The following MED13L variants were observed in gnomAD, a reference collection of about 807,000 sequenced individuals.
MED13L encodes the protein mediator complex subunit 13L, also known as mediator of RNA polymerase II transcription subunit 13-like.
A neutral mutation model predicts 220.9 loss-of-function variants in MED13L; 7 were observed. The ratio of observed to expected loss-of-function variants is 0.03; its 90% confidence interval spans 0.02 to 0.06. MED13L has a LOEUF of 0.06. Ranked by LOEUF, MED13L falls within the 10% of genes least tolerant of loss-of-function variation. MED13L has a pLI of 1.00. For synonymous variants in MED13L, 1,011 were observed against 1,015.2 expected (o/e 1.00, Z 0.08); for missense variants, 1,965 against 2,760.5 (o/e 0.71, Z 6.46).
chr12:116,261,172 C>T (rs1872485802), intron 1 of MED13L, among the ~76,000 whole-genome samples: 1 of 152,116 alleles, frequency 6.6e-6, no homozygotes, highest in Non-Finnish European at 1.5e-5. Context: ...CCCCTCCCTT[C>T]CCTTATAAAA....
chr12:116,019,926 T>A lies in MED13L; in HGVS notation c.672A>T (p.Ala224=), dbSNP rs756122556. Residue 224 remains alanine, a synonymous_variant, in exon 6 of 31, where the codon GCA becomes GCT. Coordinates refer to ENST00000281928, the MANE Select transcript of MED13L (RefSeq NM_015335.5). ...YGLNGTLTGQ[A]YKMSDPATRK... is the part of the protein sequence containing the mutation. Reference sequence around the variant, plus strand: ...GAGTGGCTGGGTCTGACATCTTGTATGCTTGGCCTGTTAGCGTCCCATTTA... The same window carrying A: ...GAGTGGCTGGGTCTGACATCTTGTAAGCTTGGCCTGTTAGCGTCCCATTTA... 9 of 1,613,736 alleles carry A rather than the reference T, an allele frequency of 5.6e-6. No individual in the cohort carries two copies. In the African/African-American group the frequency reaches 9.3e-5, roughly 17 times the overall value.
chr12:116,187,411 A>G (rs1166546613), intron 2 of MED13L, among the ~76,000 whole-genome samples: 1 of 152,118 alleles, frequency 6.6e-6, no homozygotes, highest in African/African-American at 2.4e-5. Context: ...CACACAAATA[A>G]TGCTCCTATG....
intron 1 of MED13L, among the ~76,000 whole-genome samples, chr12:116,270,779 G>C (rs1010349785): frequency 6.6e-6 from 1 of 151,562 alleles, no homozygotes; most frequent in East Asian, 1.9e-4. Context: ...GCGGTGGCTC[G>C]AGCCTGTAAT....
intron 1 of MED13L, chr12:116,276,744 G>A (rs1873882315): frequency 2.3e-6 from 3 of 1,283,124 alleles, no homozygotes; most frequent in Non-Finnish European, 3.0e-6. Context: ...GGGAGGAGAA[G>A]GGGAGTGCGA....
At chr12:116,000,352 G>A (rs1023173724) in intron 14 of MED13L, among the ~76,000 whole-genome samples, 15 of 152,336 alleles carry the variant, frequency 9.8e-5, no homozygotes, top group Admixed American at 9.1e-4. Flanking sequence ...CACCAGGACG[G>A]ACTGGAGGTG....
intron 2 of MED13L, among the ~76,000 whole-genome samples, chr12:116,135,903 C>CTTTTTTTTT (rs772070607): frequency 7.1e-6 from 1 of 139,920 alleles, no homozygotes; most frequent in East Asian, 2.0e-4. Flanking sequence ...CAAAGATTCC[C>CTTTTTTTTT]TTTTTTTTTT....
chr12:116,220,238 A>T (rs1883231110), intron 2 of MED13L, among the ~76,000 whole-genome samples: 1 of 152,162 alleles, frequency 6.6e-6, no homozygotes, highest in South Asian at 2.1e-4. Context: ...GGATCAATTA[A>T]AATCTCCATA....
At position 116,209,920 on chromosome 12, in the gene MED13L, T is replaced by C. The variant is rs551805182; in HGVS notation, c.310+27548A>G. ...AGATTTAACCATGGCTTAACCAAAA[T>C]TGGGCTTCCTCTTGAAATATTCTTC... is the stretch of plus-strand genomic sequence containing the variant. On this transcript the variant is annotated intron_variant, in intron 2 of 30. Transcript: ENST00000281928. Among the ~76,000 whole-genome samples, 46 of 152,302 alleles carry C rather than the reference T, an allele frequency of 3.0e-4. 1 individual carries two copies. The highest frequency in any genetic ancestry group is 1.1e-3 in the African/African-American group (45 of 41,576).
chr12:115,961,213 A>G lies in MED13L; in HGVS notation c.*53T>C. ...TTGCAGAGTGTAGCAGGTTCCTTGG[A>G]CTGAGGTTGCAGGGAGAAGGAACTG... On this transcript the variant is annotated 3_prime_UTR_variant, in exon 31 of 31. Transcript: ENST00000281928. 1.2e-6 allele frequency: 2 copies of G among 1,607,682 alleles called. No homozygotes were observed. Among genetic ancestry groups the G allele is most frequent in the Non-Finnish European group, 1.7e-6 (2 of 1,174,322 alleles).
In MED13L at chr12:115,991,202, C is replaced by T. The variant is rs142574863; in HGVS notation, c.3752G>A (p.Arg1251His). 1.5e-4 allele frequency: 245 copies of T among 1,614,048 alleles called. No individual in the cohort carries two copies. In the South Asian group the frequency reaches 2.0e-3, roughly 13 times the overall value. Reference protein sequence around the residue: ...NFLDYISSNNRQTLPCVSWSY... With the variant: ...NFLDYISSNNHQTLPCVSWSY... ...CCAGCTTACACAGGGAAGAGTTTGG[C>T]GATTGTTAGAGGAAATGTAGTCCAG... The change falls in exon 17 of 31, where the codon CGC becomes CAC. Residue 1251 changes from arginine to histidine, a missense_variant. Coordinates refer to ENST00000281928, the MANE Select transcript of MED13L (RefSeq NM_015335.5). The surrounding 1 kb of genome is among the most constrained non-coding windows in gnomAD (Gnocchi z 7.7).
At chr12:116,225,124 A>T (rs1283600009) in intron 2 of MED13L, among the ~76,000 whole-genome samples, 1 of 152,242 alleles carries the variant, frequency 6.6e-6, no homozygotes, top group Non-Finnish European at 1.5e-5. Context: ...TGACCCCAGG[A>T]CATCCCATTA....
intron 2 of MED13L, among the ~76,000 whole-genome samples, chr12:116,123,993 C>G (rs1875321901): frequency 6.6e-6 from 1 of 152,094 alleles, no homozygotes; most frequent in African/African-American, 2.4e-5. Flanking sequence ...CTGTAATCAC[C>G]TTTGATTAAG....
Position 115,986,308 on chromosome 12 carries a change from T to G in MED13L, c.4296A>C (p.Glu1432Asp). 6.2e-7 allele frequency: 1 copy of G among 1,614,158 alleles called. No homozygotes were observed. The highest frequency in any genetic ancestry group is 8.5e-7 in the Non-Finnish European group (1 of 1,180,012). Residue 1432 changes from glutamate to aspartate, a missense_variant, in exon 19 of 31, where the codon GAA (glutamate) becomes GAC (aspartate). Physicochemically the swap from Glu to Asp is conservative, Grantham distance 45. Coordinates refer to ENST00000281928, the MANE Select transcript of MED13L (RefSeq NM_015335.5). Reference protein sequence around the residue: ...VVCPENEALLEGAKTFFRDLS... With the variant: ...VVCPENEALLDGAKTFFRDLS... The stretch of plus-strand genomic sequence containing the variant: ...AGTCCCTGAAGAAAGTTTTGGCTCC[T>G]TCGAGCAAGGCCTCATTTTCTGGAC...
chr12:116,003,285 A>G (rs567757730), intron 13 of MED13L, among the ~76,000 whole-genome samples, 183 bp from the exon 14 acceptor site: 1 of 152,332 alleles, frequency 6.6e-6, no homozygotes, highest in South Asian at 2.1e-4. Context: ...CAAGTGTAAG[A>G]AACAGTGAAT....
chr12:116,231,908 G>A (rs985154895), intron 2 of MED13L, among the ~76,000 whole-genome samples: 2 of 152,040 alleles, frequency 1.3e-5, no homozygotes, highest in South Asian at 2.1e-4. Context: ...CTAAACAAAG[G>A]TTTTATCAAT....
Position 116,178,572 on chromosome 12 carries a change from G to A in MED13L, c.310+58896C>T, listed in dbSNP as rs146526887. Among the ~76,000 whole-genome samples, 418 of 152,292 alleles carry A rather than the reference G, an allele frequency of 2.7e-3. 2 individuals carry two copies. The highest frequency in any genetic ancestry group is 9.7e-3 in the African/African-American group (404 of 41,546). The stretch of plus-strand genomic sequence containing the variant: ...ATCCAACATACAAACAGAAGAACAT[G>A]AATATATCTTTGTTAGTAGCAAAAT... On this transcript the variant is annotated intron_variant, in intron 2 of 30. Coordinates refer to ENST00000281928, the MANE Select transcript of MED13L (RefSeq NM_015335.5).
At chr12:116,140,303 G>A (rs1306230914) in intron 2 of MED13L, among the ~76,000 whole-genome samples, 1 of 152,088 alleles carries the variant, frequency 6.6e-6, no homozygotes, top group Non-Finnish European at 1.5e-5. Context: ...GTAAAGATTT[G>A]CCTGTTTGTT....
intron 14 of MED13L, 109 bp downstream of exon 14, chr12:116,002,893 CA>C: frequency 1.1e-6 from 1 of 945,114 alleles, no homozygotes; most frequent in South Asian, 1.4e-5. Context: ...AGAATTCTGT[CA>C]AAAGGAAGGG....
intron 2 of MED13L, among the ~76,000 whole-genome samples, chr12:116,167,617 A>C (rs1038123960): frequency 3.3e-5 from 5 of 152,146 alleles, no homozygotes; most frequent in African/African-American, 1.2e-4. Context: ...TGTGTACTAT[A>C]CTCCATTAGG....
Sources: gnomAD v4.1 joint callset for allele counts (sites outside exome capture counted in the v4.1 genomes callset) on GRCh38, gnomAD v4.1.1 for gene constraint, Gnocchi (gnomAD v3.1) non-coding constraint, MANE v1.5 for transcripts, NCBI Gene and HGNC (gene_info 2026-07-23, HGNC 2026-07-21) for gene names.